The following TGM6 variants were observed in gnomAD, a reference collection of about 807,000 sequenced individuals.
The protein encoded by TGM6 is transglutaminase 6, also known as protein-glutamine gamma-glutamyltransferase 6.
TGM6 carries 74 observed loss-of-function variants against 77.5 expected under a neutral mutation model. The ratio of observed to expected loss-of-function variants is 0.96; its 90% CI spans 0.79 to 1.16. The LOEUF is 1.16. Ranked by LOEUF, TGM6 falls within the 50% of genes most tolerant of loss-of-function variation. The pLI is 0.00. For synonymous variants in TGM6, 383 were observed against 378.9 expected, an observed-to-expected ratio of 1.01 and a Z score of -0.12; for missense variants, 968 against 940.2, an observed-to-expected ratio of 1.03 and a Z score of -0.39.
At chr20:2,429,088 G>T (rs546558685) in intron 10 of TGM6, among the ~76,000 whole-genome samples, 2 of 152,296 alleles carry the variant, frequency 1.3e-5, no homozygotes, top group African/African-American at 4.8e-5. Context: ...ACCTCCCAAA[G>T]TGCTGGGATT....
intron 10 of TGM6, 31 bp downstream of exon 10, chr20:2,417,604 C>A: frequency 6.3e-7 from 1 of 1,575,826 alleles, no homozygotes; most frequent in South Asian, 1.1e-5. Context: ...TGGAATCAGG[C>A]CAAACCACCT....
intron 1 of TGM6, among the ~76,000 whole-genome samples, chr20:2,388,821 C>A (rs2084612885): frequency 6.6e-6 from 1 of 152,202 alleles, no homozygotes; most frequent in African/African-American, 2.4e-5. Context: ...CAATTACTGA[C>A]ATTTCCTGTA....
At chr20:2,387,064 G>T (rs1052003143) in intron 1 of TGM6, among the ~76,000 whole-genome samples, 3 of 152,216 alleles carry the variant, frequency 2.0e-5, no homozygotes, top group African/African-American at 7.2e-5. Context: ...GTGTCCTCAG[G>T]CAAGAAGTCC....
Position 2,406,519 on chromosome 20 carries a change from C to T in TGM6, c.1336+2696C>T, listed in dbSNP as rs1271566380. 2.0e-5 allele frequency among the ~76,000 whole-genome samples: 3 copies of T among 147,516 alleles called. No homozygotes were observed. The East Asian group carries it at 6.0e-4, about 30-fold the overall frequency. On this transcript the variant is annotated intron_variant, in intron 9 of 12. Transcript: ENST00000202625. ...AAAAAAAAAAAAAAGTACATGAGGT[C>T]TGTGGGTCTTTTGTCCTAAGATTTA...
chr20:2,395,279 G>A lies in TGM6; in HGVS notation c.267G>A (p.Arg89=). ...LERGEGWTAA[R]EAQMEKTLTV... is the part of the protein sequence containing the mutation. ...GGGGTGAGGGCTGGACAGCAGCAAG[G>A]GAGGCTCAGATGGAGAAAACTCTGA... Residue 89 remains arginine, a synonymous_variant, in exon 3 of 13, where the codon AGG becomes AGA. Transcript: ENST00000202625. The A allele has an allele frequency of 6.2e-7, 1 of 1,614,174 alleles. No homozygotes were observed. The highest frequency in any genetic ancestry group is 1.1e-5 in the South Asian group (1 of 91,072).
intron 10 of TGM6, among the ~76,000 whole-genome samples, chr20:2,428,385 C>A (rs1463949195): frequency 6.6e-6 from 1 of 152,146 alleles, no homozygotes; most frequent in Admixed American, 6.5e-5. Context: ...TTTTCTCCTC[C>A]TTTCTCCCAG....
chr20:2,395,236 A>G lies in TGM6; in HGVS notation c.224A>G (p.Gln75Arg), dbSNP rs747005848. Reference protein sequence around the residue: ...SEALHTKAVFQTSELERGEGW... With the variant: ...SEALHTKAVFRTSELERGEGW... ...GCCCTCCACACCAAAGCTGTGTTCC[A>G]GACATCGGAGCTGGAGCGGGGTGAG... Residue 75 changes from glutamine to arginine, a missense_variant, in exon 3 of 13, where the codon CAG becomes CGG. Coordinates refer to ENST00000202625, the MANE Select transcript of TGM6 (RefSeq NM_198994.3). 2 of 1,613,898 alleles carry G rather than the reference A, an allele frequency of 1.2e-6. No homozygotes were observed. The highest frequency in any genetic ancestry group is 3.3e-5 in the Admixed American group (2 of 60,010).
intron 6 of TGM6, 40 bp downstream of exon 6, chr20:2,399,778 C>A: frequency 1.3e-6 from 2 of 1,550,870 alleles, no homozygotes; most frequent in Non-Finnish European, 1.8e-6. Flanking sequence ...CCTGTGCCCC[C>A]AGCTTCCTCT....
rs143596701 is a variant in TGM6 at position 2,385,458 on chromosome 20, C to A, written c.7+4483C>A. Among the ~76,000 whole-genome samples the A allele has an allele frequency of 1.8e-3, 267 of 152,216 alleles. 1 individual carries two copies. Among genetic ancestry groups the A allele is most frequent in the Non-Finnish European group, 2.4e-3 (164 of 68,030 alleles). ...AGCACTTGCTTCAGCAAACCACAGA[C>A]TATCCAAACCATCAGATTCCTTCTG... On this transcript the variant is annotated intron_variant, in intron 1 of 12. Transcript: ENST00000202625.
At chr20:2,410,193 G>A (rs1259626848) in intron 9 of TGM6, among the ~76,000 whole-genome samples, 1 of 152,168 alleles carries the variant, frequency 6.6e-6, no homozygotes, top group Non-Finnish European at 1.5e-5. Flanking sequence ...CTGACCTCCA[G>A]GGAGGGGAGA....
intron 4 of TGM6, 150 bp from the exon 5 acceptor site, chr20:2,397,768 C>T: frequency 1.6e-6 from 2 of 1,241,168 alleles, no homozygotes; most frequent in African/African-American, 1.5e-5. Context: ...GTTTCCAAGA[C>T]TAGGGGGTGC....
intron 10 of TGM6, among the ~76,000 whole-genome samples, chr20:2,422,912 T>C (rs947568815): frequency 6.8e-6 from 1 of 146,818 alleles, no homozygotes; most frequent in Non-Finnish European, 1.5e-5. Flanking sequence ...ATCCTGCCAC[T>C]GCACTCCAGC....
chr20:2,430,556 C>A lies in TGM6; in HGVS notation c.1789C>A (p.Leu597Met). ...MCLVTKGEKL[L>M]VEKDITLEDF... The stretch of plus-strand genomic sequence containing the variant: ...CCTTGTCACCAAAGGAGAGAAGCTT[C>A]TGGTGGAGAAGGACATTACTCTAGA... The change falls in exon 11 of 13, where the codon CTG (leucine) becomes ATG (methionine). Residue 597 changes from leucine to methionine, a missense_variant. Physicochemically the swap from Leu to Met is conservative, Grantham distance 15. Coordinates refer to ENST00000202625, the MANE Select transcript of TGM6 (RefSeq NM_198994.3). 1 of 1,614,218 alleles carries A rather than the reference C, an allele frequency of 6.2e-7. No homozygotes were observed. Among genetic ancestry groups the A allele is most frequent in the Non-Finnish European group, 8.5e-7 (1 of 1,180,046 alleles).
Position 2,411,696 on chromosome 20 carries a change from G to C in TGM6, c.1337-5536G>C, listed in dbSNP as rs182055944. On this transcript the variant is annotated intron_variant, in intron 9 of 12. Transcript: ENST00000202625. Reference sequence around the variant, plus strand: ...TAGATATCTTTTTTAAAATTGTATTGGGAAAACTGGATATCTATGTGCAAA... The same window carrying C: ...TAGATATCTTTTTTAAAATTGTATTCGGAAAACTGGATATCTATGTGCAAA... 4.9e-4 allele frequency among the ~76,000 whole-genome samples: 75 copies of C among 152,174 alleles called. 1 individual carries two copies. The highest frequency in any genetic ancestry group is 7.1e-4 in the Non-Finnish European group (48 of 68,010).
chr20:2,416,215 C>T (rs2084815824), intron 9 of TGM6, among the ~76,000 whole-genome samples: 1 of 152,178 alleles, frequency 6.6e-6, no homozygotes, highest in Non-Finnish European at 1.5e-5. Flanking sequence ...CTCTGAGTGA[C>T]AGAGTGAGAT....
In TGM6 at chr20:2,394,526, C is replaced by G. The variant is rs770474903; in HGVS notation, c.82C>G (p.Pro28Ala). ...CCACCACACCCAGGAGTACCCCTGC[C>G]CTGAGCTGGTGGTTCGCAGGGGCCA... is the stretch of plus-strand genomic sequence containing the variant. ...AAHHTQEYPC[P>A]ELVVRRGQSF... Residue 28 changes from proline (P) to alanine (A), a missense_variant, in exon 2 of 13, where the codon CCT becomes GCT. Coordinates refer to ENST00000202625, the MANE Select transcript of TGM6 (RefSeq NM_198994.3). 3.4e-5 allele frequency: 54 copies of G among 1,611,786 alleles called. No individual in the cohort carries two copies. Among genetic ancestry groups the G allele is most frequent in the Non-Finnish European group, 4.5e-5 (53 of 1,179,858 alleles).
chr20:2,397,845 G>C lies in TGM6; in HGVS notation c.544-73G>C, dbSNP rs992420940. The C allele has an allele frequency of 6.8e-6, 11 of 1,613,044 alleles. 1 individual carries two copies. In the Admixed American group the frequency reaches 1.8e-4, roughly 27 times the overall value. On this transcript the variant is annotated intron_variant, in intron 4 of 12. Transcript: ENST00000202625. ...CTGCACAGATGGGGTGACTGACCGG[G>C]TGAGGGCTGTGGGAGGGCCTGGAAT...
At chr20:2,414,359 A>G (rs1007765216) in intron 9 of TGM6, among the ~76,000 whole-genome samples, 8 of 152,240 alleles carry the variant, frequency 5.3e-5, no homozygotes, top group Non-Finnish European at 1.2e-4. Context: ...CAAAACCACA[A>G]TGAGATACCA....
At chr20:2,406,151 C>T (rs2084748924) in intron 9 of TGM6, among the ~76,000 whole-genome samples, 1 of 152,190 alleles carries the variant, frequency 6.6e-6, no homozygotes, top group African/African-American at 2.4e-5. Context: ...CTTTAGCTGT[C>T]TTCTTACTGT....
Sources: allele counts gnomAD v4.1 joint callset (sites outside exome capture counted in the v4.1 genomes callset), GRCh38; gene constraint gnomAD v4.1.1; transcripts MANE v1.5; gene names NCBI Gene and HGNC (gene_info 2026-07-23, HGNC 2026-07-21).